The following ZGRF1 variants were observed in gnomAD, a reference collection of about 807,000 sequenced individuals.
ZGRF1 encodes zinc finger GRF-type containing 1.
In ZGRF1, 196 loss-of-function variants were observed where a neutral mutation model predicts 203.5. That is an observed-to-expected ratio of 0.96 (90% CI 0.86 to 1.08). The LOEUF (loss-of-function observed/expected upper bound fraction) is 1.08. Among genes scored for constraint, ZGRF1 ranks in the 50% least tolerant of loss-of-function variants. The probability of loss-of-function intolerance (pLI) is 0.00; values close to 1 mark genes in which losing one functional copy is unlikely to be tolerated. For missense variants in ZGRF1, 2,326 were observed against 2,416.3 expected (o/e 0.96, Z 0.78); for synonymous variants, 809 against 841.3 (o/e 0.96, Z 0.66).
At chr4:112,596,932 T>C (rs904043110) in intron 10 of ZGRF1, among the ~76,000 whole-genome samples, 2 of 152,004 alleles carry the variant, frequency 1.3e-5, no homozygotes, top group Non-Finnish European at 2.9e-5. Context: ...AAAGTTTCTG[T>C]GCCGGGCACA....
intron 6 of ZGRF1, among the ~76,000 whole-genome samples, chr4:112,616,882 G>C (rs1183258568): frequency 6.6e-6 from 1 of 150,664 alleles, no homozygotes; most frequent in Non-Finnish European, 1.5e-5. Context: ...AAGAGGAAAA[G>C]AACTCTGTGG....
chr4:112,569,127 T>C (rs1743751392), intron 16 of ZGRF1, among the ~76,000 whole-genome samples: 1 of 152,180 alleles, frequency 6.6e-6, no homozygotes, highest in African/African-American at 2.4e-5. Context: ...TTTTTGTAGG[T>C]TGAAAGTATT....
intron 10 of ZGRF1, among the ~76,000 whole-genome samples, chr4:112,601,288 G>C (rs377071006): frequency 4.0e-5 from 6 of 151,830 alleles, no homozygotes; most frequent in African/African-American, 1.5e-4. Flanking sequence ...AGTGGCTCAT[G>C]CCTGTAATCC....
intron 14 of ZGRF1, among the ~76,000 whole-genome samples, chr4:112,584,782 T>A (rs1003404837): frequency 3.3e-5 from 5 of 152,326 alleles, no homozygotes; most frequent in Admixed American, 3.3e-4. Context: ...AACAATGAAG[T>A]GGGATATGCA....
intron 22 of ZGRF1, 51 bp downstream of exon 22, chr4:112,553,784 T>C: frequency 6.8e-7 from 1 of 1,468,822 alleles, no homozygotes; most frequent in Non-Finnish European, 9.2e-7. Flanking sequence ...AATAAGAGAA[T>C]CTGAATGGTA....
At position 112,577,304 on chromosome 4, in the gene ZGRF1, G is replaced by A. The variant is rs1578336019; in HGVS notation, c.4438+4359C>T. On this transcript the variant is annotated intron_variant, in intron 16 of 27. Transcript: ENST00000505019. Reference sequence around the variant, plus strand: ...CGCTAAACATGGAAAGGAATAACTGGTACCAGCCACTGCAAAAACATGCCA... The same window carrying A: ...CGCTAAACATGGAAAGGAATAACTGATACCAGCCACTGCAAAAACATGCCA... Among the ~76,000 whole-genome samples the A allele has an allele frequency of 1.6e-5, 2 of 122,890 alleles. 1 individual carries two copies. Among genetic ancestry groups the A allele is most frequent in the East Asian group, 4.8e-4 (2 of 4,188 alleles). The allele number at this position is 122,890 out of a possible 152,430, so 80.6% of individuals were successfully genotyped here.
chr4:112,569,857 C>T (rs1425604177), intron 16 of ZGRF1, among the ~76,000 whole-genome samples: 1 of 151,980 alleles, frequency 6.6e-6, no homozygotes, highest in East Asian at 1.9e-4. Context: ...TGAAAAAAGA[C>T]TTATGAAACT....
intron 3 of ZGRF1, among the ~76,000 whole-genome samples, chr4:112,624,592 A>T (rs985481237): frequency 3.3e-5 from 5 of 152,136 alleles, no homozygotes; most frequent in African/African-American, 9.7e-5. Flanking sequence ...CACTTAAGAT[A>T]TTGACATTTG....
At chr4:112,585,046 C>T (rs1271254419) in intron 14 of ZGRF1, among the ~76,000 whole-genome samples, 1 of 152,176 alleles carries the variant, frequency 6.6e-6, no homozygotes, top group Non-Finnish European at 1.5e-5. Flanking sequence ...TGGAACATAT[C>T]CCCCTTCTCA....
In ZGRF1 at chr4:112,558,187, A is replaced by G; in HGVS notation, c.5083T>C (p.Ser1695Pro). The G allele has an allele frequency of 2.5e-6, 4 of 1,609,726 alleles. No individual in the cohort carries two copies. In the South Asian group the frequency reaches 4.4e-5, roughly 18 times the overall value. ...CTGTCAACAGCCACATTAGTAGAAG[A>G]AGAAATCAGAAGTTTCCACGGCCTT... is the stretch of plus-strand genomic sequence containing the variant. ...NARPWKLLIS[S>P]STNVAVDRVL... Residue 1695 changes from serine (S) to proline (P), a missense_variant, in exon 20 of 28, where the codon TCT (serine) becomes CCT (proline). Ser to Pro is a moderately conservative substitution (Grantham distance 74). Transcript: ENST00000505019.
chr4:112,619,728 C>T (rs2047003871), intron 5 of ZGRF1, 38 bp from the exon 6 acceptor site: 3 of 1,437,350 alleles, frequency 2.1e-6, no homozygotes, highest in East Asian at 2.3e-5. Context: ...GTACCATTAC[C>T]CATTAAGAAA....
At position 112,540,123 on chromosome 4, in the gene ZGRF1, A is replaced by C. The variant is rs1377567134; in HGVS notation, c.5912T>G (p.Leu1971Arg). 1.3e-6 allele frequency: 2 copies of C among 1,537,436 alleles called. No individual in the cohort carries two copies. The highest frequency in any genetic ancestry group is 4.7e-5 in the East Asian group (2 of 42,884). Reference sequence around the variant, plus strand: ...GTCCACAGCACTGAGTAAATGACAAAGCTGTGGAAGAAAAAACAGCAATCA... The same window carrying C: ...GTCCACAGCACTGAGTAAATGACAACGCTGTGGAAGAAAAAACAGCAATCA... ...ITLYKSQMYK[L>R]CHLLSAVDFH... Residue 1971 changes from leucine to arginine, a missense_variant and splice_region_variant, in exon 27 of 28, where the codon CTT becomes CGT. Transcript: ENST00000505019.
At chr4:112,561,051 GAGT>G (rs1451033244) in intron 18 of ZGRF1, 56 bp from the exon 19 acceptor site, 1 of 1,338,226 alleles carries the variant, frequency 7.5e-7, no homozygotes, top group Non-Finnish European at 1.1e-6. Flanking sequence ...TGAAAAAGAT[GAGT>G]AGAATAATTC....
At chr4:112,557,944 T>C (rs1270887554) in intron 20 of ZGRF1, among the ~76,000 whole-genome samples, 1 of 152,214 alleles carries the variant, frequency 6.6e-6, no homozygotes. Context: ...GTGCCAAAAT[T>C]TCCAGTTCTG....
intron 1 of ZGRF1, among the ~76,000 whole-genome samples, chr4:112,636,330 T>C (rs999938343): frequency 6.6e-6 from 1 of 152,310 alleles, no homozygotes; most frequent in Admixed American, 6.5e-5. Context: ...GCAATATATA[T>C]ACATAAAACT....
intron 22 of ZGRF1, among the ~76,000 whole-genome samples, chr4:112,549,530 A>T (rs1277867083): frequency 2.0e-5 from 3 of 152,238 alleles, no homozygotes; most frequent in Admixed American, 1.3e-4. Flanking sequence ...ATGGTCTCAT[A>T]AAATTATAAT....
Position 112,541,248 on chromosome 4 carries a change from C to CT in ZGRF1, c.5618_5619insA (p.Arg1874GlufsTer15), listed in dbSNP as rs754080465. ...CAGGATGACAACGGTATTGAGTTCT[C>CT]AATAGAATTGGCTTGTGACCCTAAG... On this transcript the variant is annotated frameshift_variant, in exon 25 of 28. Transcript: ENST00000505019. LOFTEE classifies it high-confidence loss of function. 1 of 1,577,278 alleles carries CT rather than the reference C, an allele frequency of 6.3e-7. No homozygotes were observed. Among genetic ancestry groups the CT allele is most frequent in the Admixed American group, 1.7e-5 (1 of 58,108 alleles).
chr4:112,548,345 TG>T lies in ZGRF1; in HGVS notation c.5381del (p.Pro1794HisfsTer5). 1.3e-6 allele frequency: 2 copies of T among 1,555,716 alleles called. No homozygotes were observed. The highest frequency in any genetic ancestry group is 1.9e-5 in the Admixed American group (1 of 51,568). Reference sequence around the variant, plus strand: ...ATTTAAGATCATTCATGCATGGGAATGGGCAGGCTGCACAGGTAACTCCAAC... The same window carrying T: ...ATTTAAGATCATTCATGCATGGGAATGGCAGGCTGCACAGGTAACTCCAAC... ...RVVGVTCAACPFPCMNDLKFP... is the reference protein window; with the variant it reads ...RVVGVTCAACXFPCMNDLKFP... On this transcript the variant is annotated frameshift_variant, in exon 23 of 28. Transcript: ENST00000505019. LOFTEE classifies it high-confidence loss of function.
rs1747050522 is a variant in ZGRF1 at position 112,585,671 on chromosome 4, G to A, written c.3971C>T (p.Ser1324Leu). Residue 1324 changes from serine (S) to leucine (L), a missense_variant, in exon 14 of 28, where the codon TCA becomes TTA. Coordinates refer to ENST00000505019, the MANE Select transcript of ZGRF1 (RefSeq NM_018392.5). ...TGTATAAAATGATATGTCAACTTTT[G>A]AAAGAGCTTTCTGCAGGTTTTGTGC... ...GLAQNLQKAL[S>L]KVDISFYTSL... The A allele has an allele frequency of 6.3e-7, 1 of 1,594,006 alleles. No homozygotes were observed. The highest frequency in any genetic ancestry group is 1.4e-5 in the African/African-American group (1 of 72,960).
Sources: gnomAD v4.1 joint callset for allele counts (sites outside exome capture counted in the v4.1 genomes callset) on GRCh38, gnomAD v4.1.1 for gene constraint, MANE v1.5 for transcripts, NCBI Gene and HGNC (gene_info 2026-07-23, HGNC 2026-07-21) for gene names.